Variants in CADM2 observed in about 807,000 individuals in gnomAD.
The protein encoded by CADM2 is immunoglobulin superfamily member 4D.
CADM2 carries 12 observed loss-of-function variants against 49.8 expected under a neutral mutation model. That is an observed-to-expected ratio of 0.24 (90% CI 0.15 to 0.39). The LOEUF is 0.39. Among genes scored for constraint, CADM2 ranks in the 10% least tolerant of loss-of-function variants. The probability of loss-of-function intolerance (pLI) is 1.00; values close to 1 mark genes in which losing one functional copy is unlikely to be tolerated. For missense variants in CADM2, 378 were observed against 492.3 expected (o/e 0.77, Z 2.20); for synonymous variants, 214 against 175.4 (o/e 1.22, Z -1.74).
intron 1 of CADM2, among the ~76,000 whole-genome samples, chr3:85,324,782 C>T (rs1010890321): frequency 4.6e-5 from 7 of 152,144 alleles, no homozygotes; most frequent in African/African-American, 1.7e-4. Context: ...TCACTTAAAA[C>T]CACATCGTGT....
intron 1 of CADM2, among the ~76,000 whole-genome samples, chr3:85,192,592 A>G (rs922099631): frequency 3.4e-5 from 2 of 58,282 alleles, no homozygotes; most frequent in South Asian, 7.5e-4. Flanking sequence ...ACACATATAT[A>G]TGAATTCATA....
chr3:85,702,485 TC>T (rs367960726), intron 1 of CADM2, among the ~76,000 whole-genome samples: 2 of 152,144 alleles, frequency 1.3e-5, no homozygotes, highest in African/African-American at 4.8e-5. Flanking sequence ...GCTATTATTA[TC>T]AACTCATTTG....
intron 8 of CADM2, among the ~76,000 whole-genome samples, chr3:86,036,573 C>T (rs921977861): frequency 6.6e-6 from 1 of 152,100 alleles, no homozygotes; most frequent in Non-Finnish European, 1.5e-5. Context: ...CCTGAAGGAC[C>T]TCCAGGACTC....
intron 1 of CADM2, among the ~76,000 whole-genome samples, chr3:85,661,245 A>C (rs1029646019): frequency 5.3e-5 from 8 of 152,098 alleles, no homozygotes; most frequent in Non-Finnish European, 7.4e-5. Context: ...AGTGCTGTGC[A>C]GGTTGTCAGC....
chr3:85,708,571 A>G (rs1445683841), intron 1 of CADM2, among the ~76,000 whole-genome samples: 1 of 152,180 alleles, frequency 6.6e-6, no homozygotes, highest in African/African-American at 2.4e-5. Flanking sequence ...CAACAGTGTA[A>G]GCAAAATGGA....
chr3:85,651,984 C>CTTGTTTTTTTT (rs2065055423), intron 1 of CADM2, among the ~76,000 whole-genome samples: 1 of 105,464 alleles, frequency 9.5e-6, no homozygotes, highest in African/African-American at 3.6e-5. Context: ...CGCCCGGCTA[C>CTTGTTTTTTTT]TTTTTTTTTT....
chr3:85,380,984 G>A (rs563894626), intron 1 of CADM2, among the ~76,000 whole-genome samples: 3 of 151,878 alleles, frequency 2.0e-5, no homozygotes, highest in African/African-American at 4.8e-5. Flanking sequence ...TTCCAACTAC[G>A]AATGATATTT....
At chr3:85,454,084 G>A (rs1205655173) in intron 1 of CADM2, among the ~76,000 whole-genome samples, 1 of 152,248 alleles carries the variant, frequency 6.6e-6, no homozygotes, top group African/African-American at 2.4e-5. Flanking sequence ...GCTGGGCGTG[G>A]AGGCTCACGC....
chr3:85,560,082 G>C (rs1320801273), intron 1 of CADM2, among the ~76,000 whole-genome samples: 1 of 152,116 alleles, frequency 6.6e-6, no homozygotes, highest in African/African-American at 2.4e-5. Context: ...TAATGTGCTT[G>C]TTTATGGATT....
intron 1 of CADM2, among the ~76,000 whole-genome samples, chr3:85,079,940 AT>A (rs1339917320): frequency 3.9e-5 from 6 of 152,068 alleles, no homozygotes; most frequent in African/African-American, 1.4e-4. Context: ...GTACTATCAC[AT>A]TTCCACTCTT....
Position 85,726,280 on chromosome 3 carries a change from T to C in CADM2, c.62-242T>C, listed in dbSNP as rs1021367870. ...TCCATTAAAGGAATATGGTGACTTGTAGTGTTTGGAATGTGTAGTACATGG... is the reference window on the plus strand; with the variant it reads ...TCCATTAAAGGAATATGGTGACTTGCAGTGTTTGGAATGTGTAGTACATGG... On this transcript the variant is annotated intron_variant, in intron 1 of 9. Coordinates refer to ENST00000383699, the MANE Select transcript of CADM2 (RefSeq NM_001167675.2). 2.6e-5 allele frequency among the ~76,000 whole-genome samples: 4 copies of C among 152,034 alleles called. No homozygotes were observed. The South Asian group carries it at 8.3e-4, about 31-fold the overall frequency.
intron 1 of CADM2, among the ~76,000 whole-genome samples, chr3:85,578,352 A>G (rs2062703926): frequency 6.6e-6 from 1 of 152,196 alleles, no homozygotes; most frequent in African/African-American, 2.4e-5. Context: ...CAACAAATAC[A>G]TTGTTTGCAA....
At chr3:84,986,976 C>T (rs1304560185) in intron 1 of CADM2, among the ~76,000 whole-genome samples, 1 of 151,548 alleles carries the variant, frequency 6.6e-6, no homozygotes, top group Non-Finnish European at 1.5e-5. Flanking sequence ...CACTTGAACC[C>T]GGGAGGCGGA....
At chr3:85,137,319 T>C (rs1248874856) in intron 1 of CADM2, among the ~76,000 whole-genome samples, 1 of 151,996 alleles carries the variant, frequency 6.6e-6, no homozygotes, top group East Asian at 1.9e-4. Context: ...CCCAGGACTT[T>C]TACTTTTATT....
At chr3:85,247,409 G>A (rs2042674894) in intron 1 of CADM2, among the ~76,000 whole-genome samples, 2 of 152,108 alleles carry the variant, frequency 1.3e-5, no homozygotes, top group Admixed American at 1.3e-4. Context: ...GTTTTAAGGA[G>A]TTTTAACTAA....
chr3:85,581,387 C>T (rs1210182207), intron 1 of CADM2, among the ~76,000 whole-genome samples: 1 of 144,738 alleles, frequency 6.9e-6, no homozygotes, highest in Non-Finnish European at 1.5e-5. Flanking sequence ...AACAGAAACA[C>T]GTAAGAATTA....
intron 8 of CADM2, among the ~76,000 whole-genome samples, chr3:86,011,628 G>C (rs1731525358): frequency 6.6e-6 from 1 of 151,994 alleles, no homozygotes; most frequent in African/African-American, 2.4e-5. Context: ...ATAGTAACAG[G>C]GTCCTAAATT....
chr3:85,546,941 T>C lies in CADM2; in HGVS notation c.62-179581T>C, dbSNP rs146038702. 1.8e-3 allele frequency among the ~76,000 whole-genome samples: 278 copies of C among 152,260 alleles called. 4 individuals carry two copies. The East Asian group carries it at 0.039, about 22-fold the overall frequency. ...CAATCACAGTGTTTTATATTTGAAG[T>C]TGTCTACAGAAAGTATTTGTTTTTA... On this transcript the variant is annotated intron_variant, in intron 1 of 9. Coordinates refer to ENST00000383699, the MANE Select transcript of CADM2 (RefSeq NM_001167675.2).
At chr3:85,288,116 A>C (rs562810697) in intron 1 of CADM2, among the ~76,000 whole-genome samples, 146 of 152,286 alleles carry the variant, frequency 9.6e-4, no homozygotes, top group African/African-American at 3.4e-3. Flanking sequence ...AATTAAAAAA[A>C]AATCTCAGAT....
Sources: allele counts gnomAD v4.1 joint callset (sites outside exome capture counted in the v4.1 genomes callset), GRCh38; gene constraint gnomAD v4.1.1; transcripts MANE v1.5; gene names NCBI Gene and HGNC (gene_info 2026-07-23, HGNC 2026-07-21).